Variants in PRIM2 observed in about 807,000 individuals in gnomAD.
PRIM2 encodes DNA primase subunit 2, also known as DNA primase large subunit.
A neutral mutation model predicts 67.3 loss-of-function variants in PRIM2; 39 were observed. The ratio of observed to expected loss-of-function variants is 0.58; its 90% CI spans 0.45 to 0.76. The LOEUF is 0.76. Ranked by LOEUF, PRIM2 falls within the 30% of genes least tolerant of loss-of-function variation. PRIM2 has a pLI of 0.00. For synonymous variants in PRIM2, 143 were observed against 198.7 expected (o/e 0.72, Z 2.36); for missense variants, 398 against 598.7 (o/e 0.66, Z 3.50).
chr6:57,351,409 G>T (rs1768852655), intron 5 of PRIM2, among the ~76,000 whole-genome samples: 1 of 152,064 alleles, frequency 6.6e-6, no homozygotes, highest in Non-Finnish European at 1.5e-5. Context: ...CCAGTGTTCA[G>T]GTTAATGATA....
intron 7 of PRIM2, among the ~76,000 whole-genome samples, chr6:57,402,658 G>A (rs2894852): frequency 1.3e-5 from 2 of 152,298 alleles, no homozygotes; most frequent in South Asian, 2.1e-4. Flanking sequence ...GATTGGTATG[G>A]TTTAATGTCT....
chr6:57,442,907 G>A (rs199846193), intron 7 of PRIM2, among the ~76,000 whole-genome samples: 10,583 of 151,956 alleles, frequency 0.07, 529 homozygotes, highest in East Asian at 0.2. Context: ...CTGATATTTT[G>A]TACCCTTTGA....
At chr6:57,602,888 G>A (rs1342975639) in intron 11 of PRIM2, among the ~76,000 whole-genome samples, 1 of 152,102 alleles carries the variant, frequency 6.6e-6, no homozygotes, top group Admixed American at 6.5e-5. Flanking sequence ...CAGCAAAATC[G>A]TGTGGGAAGT....
chr6:57,635,770 A>G (rs1416773273), intron 13 of PRIM2, among the ~76,000 whole-genome samples: 2 of 152,220 alleles, frequency 1.3e-5, no homozygotes, highest in East Asian at 1.9e-4. Flanking sequence ...AGAAGCCACC[A>G]TCATCTCACT....
chr6:57,277,908 C>T, the PRIM2 span, among the ~76,000 whole-genome samples: 12 of 151,368 alleles, frequency 7.9e-5, no homozygotes, highest in Admixed American at 5.9e-4. Context: ...GGCGTGAACC[C>T]GGGAGGTGGA....
chr6:57,441,877 G>A (rs1301367693), intron 7 of PRIM2, among the ~76,000 whole-genome samples: 1 of 152,008 alleles, frequency 6.6e-6, no homozygotes, highest in Non-Finnish European at 1.5e-5. Context: ...GGTGCATTGA[G>A]TACTTTTGCT....
intron 12 of PRIM2, 133 bp downstream of exon 12, chr6:57,606,590 G>A (rs1199019808): frequency 1.4e-5 from 8 of 563,368 alleles, no homozygotes; most frequent in Non-Finnish European, 2.2e-5. Flanking sequence ...TCTTCAAGAT[G>A]AATTAAGTTA....
intron 7 of PRIM2, among the ~76,000 whole-genome samples, chr6:57,421,470 T>C (rs1278958147): frequency 1.3e-5 from 2 of 152,206 alleles, no homozygotes; most frequent in African/African-American, 4.8e-5. Flanking sequence ...GGGAAAATAT[T>C]TTGCTTTACA....
intron 7 of PRIM2, among the ~76,000 whole-genome samples, chr6:57,436,431 ATTAT>A (rs978026670): frequency 2.6e-5 from 4 of 152,178 alleles, no homozygotes; most frequent in African/African-American, 9.6e-5. Context: ...TAAATGTTTG[ATTAT>A]TTGTCTTCAG....
intron 5 of PRIM2, among the ~76,000 whole-genome samples, chr6:57,376,036 A>G (rs1769751438): frequency 6.6e-6 from 1 of 152,118 alleles, no homozygotes; most frequent in Admixed American, 6.5e-5. Context: ...GGGAGATCCC[A>G]TCTCTATAAG....
intron 7 of PRIM2, among the ~76,000 whole-genome samples, chr6:57,424,911 C>T (rs1771572436): frequency 6.6e-6 from 1 of 152,036 alleles, no homozygotes; most frequent in Non-Finnish European, 1.5e-5. Flanking sequence ...TATATATATG[C>T]AAATAAATAC....
intron 5 of PRIM2, among the ~76,000 whole-genome samples, chr6:57,378,638 T>C (rs1769853227): frequency 6.6e-6 from 1 of 152,140 alleles, no homozygotes; most frequent in South Asian, 2.1e-4. Context: ...TTTTGCGAGG[T>C]GCCTGGGCAT....
chr6:57,629,883 A>G (rs1366476486), intron 12 of PRIM2, among the ~76,000 whole-genome samples: 3 of 151,632 alleles, frequency 2.0e-5, no homozygotes, highest in African/African-American at 7.3e-5. Flanking sequence ...AAATGAAACT[A>G]TATATTCATT....
chr6:57,297,045 A>T, the PRIM2 span, among the ~76,000 whole-genome samples: 6 of 152,218 alleles, frequency 3.9e-5, no homozygotes, highest in Non-Finnish European at 8.8e-5. Context: ...TCACTGATAC[A>T]AACAATTGAA....
the PRIM2 span, among the ~76,000 whole-genome samples, chr6:57,242,496 TA>T: frequency 6.6e-6 from 1 of 152,172 alleles, no homozygotes; most frequent in Non-Finnish European, 1.5e-5. Context: ...AAAATGGAAA[TA>T]AAATAACTTA....
chr6:57,526,524 T>A (rs1461974507), intron 8 of PRIM2, among the ~76,000 whole-genome samples: 7 of 152,230 alleles, frequency 4.6e-5, no homozygotes, highest in African/African-American at 1.7e-4. Flanking sequence ...GCCCTTTATA[T>A]TTGGCAAAAT....
intron 7 of PRIM2, among the ~76,000 whole-genome samples, chr6:57,454,646 T>C (rs1461159956): frequency 6.6e-6 from 1 of 152,228 alleles, no homozygotes; most frequent in African/African-American, 2.4e-5. Flanking sequence ...TTTATCATTT[T>C]TTATTGCATC....
intron 7 of PRIM2, among the ~76,000 whole-genome samples, chr6:57,499,952 A>G (rs1290538279): frequency 6.6e-6 from 1 of 152,164 alleles, no homozygotes; most frequent in African/African-American, 2.4e-5. Flanking sequence ...CTCTACATCC[A>G]TATATATTTA....
intron 7 of PRIM2, among the ~76,000 whole-genome samples, chr6:57,435,371 T>A (rs1187924380): frequency 6.6e-6 from 1 of 152,116 alleles, no homozygotes; most frequent in Non-Finnish European, 1.5e-5. Context: ...TGACCAGTCC[T>A]GTCCTTTTTG....
Sources: allele counts gnomAD v4.1 joint callset (sites outside exome capture counted in the v4.1 genomes callset), GRCh38; gene constraint gnomAD v4.1.1; transcripts MANE v1.5; gene names NCBI Gene and HGNC (gene_info 2026-07-23, HGNC 2026-07-21).